The following HGSNAT variants were observed in gnomAD, a reference collection of about 807,000 sequenced individuals.
HGSNAT encodes the protein transmembrane protein 76.
HGSNAT carries 59 observed loss-of-function variants against 85.2 expected under a neutral mutation model. The ratio of observed to expected loss-of-function variants is 0.69; its 90% CI spans 0.56 to 0.86. The LOEUF (loss-of-function observed/expected upper bound fraction) is 0.86, where lower values mean the gene tolerates loss of function less well. Among genes scored for constraint, HGSNAT ranks in the 40% least tolerant of loss-of-function variants. The probability of loss-of-function intolerance (pLI) is 0.00; values close to 1 mark genes in which losing one functional copy is unlikely to be tolerated. For missense variants in HGSNAT, 756 were observed against 777.1 expected, an observed-to-expected ratio of 0.97 and a Z score of 0.32; for synonymous variants, 321 against 304.5, an observed-to-expected ratio of 1.05 and a Z score of -0.56.
At position 43,200,502 on chromosome 8, in the gene HGSNAT, T is replaced by G. The variant is rs1180966997; in HGVS notation, c.*933T>G. 6.6e-6 allele frequency: 1 copy of G among 152,242 alleles called. No individual in the cohort carries two copies. Among genetic ancestry groups the G allele is most frequent in the Admixed American group, 6.5e-5 (1 of 15,282 alleles). 9.4% of individuals were successfully genotyped at this position (152,242 alleles called of 1,614,324 possible). A position where few individuals can be genotyped will look rare whatever the true frequency, so the allele number is the denominator to read the frequency against. On this transcript the variant is annotated 3_prime_UTR_variant, in exon 18 of 18. Transcript: ENST00000379644. ...TTTCTGAAATCTTCAGAAGAAATAG[T>G]TCCATTACAGAAAACTCTTCAAAAT...
In HGSNAT at chr8:43,191,495, C is replaced by T. The variant is rs775078211; in HGVS notation, c.1150C>T (p.Arg384Ter). The change falls in exon 12 of 18, where the codon CGA becomes TGA. Residue 384 changes from arginine (R) to a stop codon, truncating the protein, a stop_gained. Coordinates refer to ENST00000379644, the MANE Select transcript of HGSNAT (RefSeq NM_152419.3). LOFTEE classifies it high-confidence loss of function. ...CASERSCLSL[R>*]DITSSWPQWL... ...TCAGGAGAGGAGCTGCCTTTCTCTT[C>T]GAGACATCACGTCCAGCTGGCCCCA... The T allele has an allele frequency of 2.1e-5, 34 of 1,613,774 alleles. No homozygotes were observed. Among genetic ancestry groups the T allele is most frequent in the Non-Finnish European group, 2.7e-5 (32 of 1,179,788 alleles).
At position 43,147,394 on chromosome 8, in the gene HGSNAT, C is replaced by T. The variant is rs73675458; in HGVS notation, c.234+331C>T. Among the ~76,000 whole-genome samples, 3,116 of 152,250 alleles carry T rather than the reference C, an allele frequency of 0.02. 118 individuals carry two copies. Among genetic ancestry groups the T allele is most frequent in the African/African-American group, 0.071 (2,949 of 41,526 alleles). Reference sequence around the variant, plus strand: ...AAGGAGTGAGACACCAGGGTATTCTCCAGGGGCCAGCAGAGTGGTGCAAGT... The same window carrying T: ...AAGGAGTGAGACACCAGGGTATTCTTCAGGGGCCAGCAGAGTGGTGCAAGT... On this transcript the variant is annotated intron_variant, in intron 2 of 17. Coordinates refer to ENST00000379644, the MANE Select transcript of HGSNAT (RefSeq NM_152419.3).
chr8:43,182,699 G>A (rs936745722), intron 11 of HGSNAT, among the ~76,000 whole-genome samples: 1 of 151,972 alleles, frequency 6.6e-6, no homozygotes, highest in African/African-American at 2.4e-5. Context: ...TCCTGCCTCG[G>A]CCTCACAAAT....
intron 10 of HGSNAT, among the ~76,000 whole-genome samples, chr8:43,179,711 A>C (rs867612991): frequency 4.7e-3 from 19 of 4,014 alleles, no homozygotes; most frequent in African/African-American, 8.9e-3. Flanking sequence ...AGGTGGGGGG[A>C]TGACCCCCCC....
intron 9 of HGSNAT, among the ~76,000 whole-genome samples, chr8:43,175,842 C>T (rs774650306): frequency 1.2e-4 from 19 of 152,122 alleles, no homozygotes; most frequent in Non-Finnish European, 2.4e-4. Context: ...GCTAGGATTA[C>T]AGGCGTGAGC....
intron 8 of HGSNAT, among the ~76,000 whole-genome samples, 168 bp downstream of exon 8, chr8:43,172,554 C>T (rs796874154): frequency 2.0e-5 from 3 of 152,220 alleles, no homozygotes; most frequent in African/African-American, 7.2e-5. Context: ...GATGATTCTG[C>T]GAGCCCTTTA....
intron 17 of HGSNAT, 23 bp downstream of exon 17, chr8:43,197,975 C>T: frequency 6.5e-7 from 1 of 1,540,958 alleles, no homozygotes. Flanking sequence ...CAACCTCAAA[C>T]AGAGCTGGGA....
Position 43,193,826 on chromosome 8 carries a change from GC to G in HGSNAT, c.1449del (p.Leu485Ter), listed in dbSNP as rs769367685. On this transcript the variant is annotated frameshift_variant, in exon 14 of 18. Transcript: ENST00000379644. LOFTEE classifies it high-confidence loss of function. ...ILGTINSIVM[A>X]FLGVQAGKIL... Reference sequence around the variant, plus strand: ...GGGCACCATCAACTCCATCGTGATGGCCTTTTTAGGAGTTCAGGTATTTGTT... The same window carrying G: ...GGGCACCATCAACTCCATCGTGATGGCTTTTTAGGAGTTCAGGTATTTGTT... The G allele has an allele frequency of 6.2e-7, 1 of 1,613,684 alleles. No homozygotes were observed. The highest frequency in any genetic ancestry group is 8.5e-7 in the Non-Finnish European group (1 of 1,179,688).
At chr8:43,160,888 T>C (rs1803246450) in intron 4 of HGSNAT, among the ~76,000 whole-genome samples, 1 of 152,228 alleles carries the variant, frequency 6.6e-6, no homozygotes, top group African/African-American at 2.4e-5. Context: ...TAATGTCTGG[T>C]TGTTTTGTCA....
intron 14 of HGSNAT, chr8:43,196,568 C>T: frequency 8.1e-7 from 1 of 1,241,294 alleles, no homozygotes; most frequent in Non-Finnish European, 1.1e-6. Context: ...TTCCCCATGA[C>T]CTGGGCTTCT....
intron 5 of HGSNAT, among the ~76,000 whole-genome samples, chr8:43,165,036 C>T (rs1803389222): frequency 7.0e-6 from 1 of 142,544 alleles, no homozygotes; most frequent in Non-Finnish European, 1.5e-5. Flanking sequence ...GCATGTGCCA[C>T]CATGATAATT....
chr8:43,150,248 T>C (rs1320677876), intron 2 of HGSNAT, among the ~76,000 whole-genome samples: 1 of 152,056 alleles, frequency 6.6e-6, no homozygotes, highest in Non-Finnish European at 1.5e-5. Flanking sequence ...CCACCGCGCC[T>C]GGCCAACATT....
chr8:43,158,190 C>T (rs1803153433), intron 2 of HGSNAT, among the ~76,000 whole-genome samples: 1 of 152,140 alleles, frequency 6.6e-6, no homozygotes, highest in Non-Finnish European at 1.5e-5. Context: ...CCTCCTACTC[C>T]CTGGTTCAAG....
intron 2 of HGSNAT, among the ~76,000 whole-genome samples, chr8:43,149,773 A>C: frequency 6.6e-6 from 1 of 152,118 alleles, no homozygotes; most frequent in South Asian, 2.1e-4. Context: ...CAAAAAATGC[A>C]AATTATAATA....
In HGSNAT at chr8:43,192,433, G is replaced by T; in HGVS notation, c.1377+3G>T. On this transcript the variant is annotated splice_donor_region_variant and intron_variant, in intron 13 of 17. Coordinates refer to ENST00000379644, the MANE Select transcript of HGSNAT (RefSeq NM_152419.3). ...TTTACCAGCACCCATCTTCTGCTGT[G>T]AGTGAGACTCGAGTTCGCTTAGAAC... 1 of 1,605,100 alleles carries T rather than the reference G, an allele frequency of 6.2e-7. No individual in the cohort carries two copies. The highest frequency in any genetic ancestry group is 1.1e-5 in the South Asian group (1 of 89,660).
At chr8:43,195,631 T>G (rs1275929314) in intron 14 of HGSNAT, among the ~76,000 whole-genome samples, 128 of 15,084 alleles carry the variant, frequency 8.5e-3, no homozygotes, top group South Asian at 0.027. Flanking sequence ...GAGGATGGGG[T>G]GGAGGAAGAG....
At chr8:43,142,273 A>T (rs996353581) in intron 1 of HGSNAT, among the ~76,000 whole-genome samples, 1 of 151,408 alleles carries the variant, frequency 6.6e-6, no homozygotes, top group Non-Finnish European at 1.5e-5. Flanking sequence ...GAGGAGAGAG[A>T]AGGAAATAAT....
intron 14 of HGSNAT, chr8:43,196,494 TTCTC>T: frequency 1.6e-6 from 2 of 1,289,894 alleles, no homozygotes; most frequent in Non-Finnish European, 2.0e-6. Flanking sequence ...TTGTGGAGAA[TTCTC>T]TTTGGGCCCT....
chr8:43,192,503 C>T, intron 13 of HGSNAT, 73 bp downstream of exon 13: 1 of 1,491,268 alleles, frequency 6.7e-7, no homozygotes, highest in South Asian at 1.4e-5. Context: ...AAAGAGCCAG[C>T]AAACGTTAAA....
Sources: allele counts gnomAD v4.1 joint callset (sites outside exome capture counted in the v4.1 genomes callset), GRCh38; gene constraint gnomAD v4.1.1; transcripts MANE v1.5; gene names NCBI Gene and HGNC (gene_info 2026-07-23, HGNC 2026-07-21).